The following CDH4 variants were observed in gnomAD, a reference collection of about 807,000 sequenced individuals.
CDH4 encodes the protein cadherin 4.
Under a neutral mutation model 86.0 loss-of-function variants are expected in CDH4, and 33 were observed. The ratio of observed to expected loss-of-function variants is 0.38; its 90% CI spans 0.29 to 0.51. The LOEUF (loss-of-function observed/expected upper bound fraction) is 0.51. Ranked by LOEUF, CDH4 falls within the 20% of genes least tolerant of loss-of-function variation. The probability of loss-of-function intolerance (pLI) is 0.86; values close to 1 mark genes in which losing one functional copy is unlikely to be tolerated. For synonymous variants in CDH4, 555 were observed against 549.4 expected, an observed-to-expected ratio of 1.01 and a Z score of -0.14; for missense variants, 1,114 against 1,307.4, an observed-to-expected ratio of 0.85 and a Z score of 2.28.
intron 2 of CDH4, among the ~76,000 whole-genome samples, chr20:61,402,331 A>T (rs2085053903): frequency 1.3e-5 from 2 of 152,180 alleles, no homozygotes; most frequent in African/African-American, 4.8e-5. Flanking sequence ...AATAGTTGTT[A>T]TACTGTATTG....
rs1031955341 is a variant in CDH4 at position 61,417,549 on chromosome 20, G to C, written c.169+162612G>C. 6.6e-6 allele frequency among the ~76,000 whole-genome samples: 1 copy of C among 152,156 alleles called. No individual in the cohort carries two copies. The highest frequency in any genetic ancestry group is 1.5e-5 in the Non-Finnish European group (1 of 68,052). On this transcript the variant is annotated intron_variant, in intron 2 of 15. Coordinates refer to ENST00000614565, the MANE Select transcript of CDH4 (RefSeq NM_001794.5). The surrounding 1 kb of genome is among the most constrained non-coding windows in gnomAD (Gnocchi z 4.0). ...CATCTCCCCTTCTGGGTTGATTACT[G>C]TCAACAACTGTCATCCCTCCCTGGC...
chr20:61,545,307 G>A (rs994644342), intron 2 of CDH4, among the ~76,000 whole-genome samples: 1 of 152,256 alleles, frequency 6.6e-6, no homozygotes, highest in Non-Finnish European at 1.5e-5. Flanking sequence ...TTTGGGAAGT[G>A]GCGGTAAATT....
Position 61,910,334 on chromosome 20 carries a change from CGTT to C in CDH4, c.1189-86_1189-84del, listed in dbSNP as rs145765240. 5,115 of 1,172,806 alleles carry C rather than the reference CGTT, an allele frequency of 4.4e-3. 174 individuals carry two copies. The African/African-American group carries it at 0.068, about 16-fold the overall frequency. 72.6% of individuals were successfully genotyped at this position (1,172,806 alleles called of 1,614,324 possible). ...ACGGTGTGTTCTGTTTGTGAACACT[CGTT>C]GAGCTGCACATATGCTACGTGCACT... is the stretch of plus-strand genomic sequence containing the variant. On this transcript the variant is annotated intron_variant, in intron 8 of 15. Transcript: ENST00000614565.
At chr20:61,702,340 G>A (rs566972138) in intron 2 of CDH4, among the ~76,000 whole-genome samples, 37 of 152,170 alleles carry the variant, frequency 2.4e-4, no homozygotes, top group Non-Finnish European at 5.3e-4. Flanking sequence ...GGATGGGACC[G>A]AACAAAGGTG....
Position 61,642,826 on chromosome 20 carries a change from C to G in CDH4, c.170-100737C>G, listed in dbSNP as rs2087025114. Among the ~76,000 whole-genome samples, 4 of 152,280 alleles carry G rather than the reference C, an allele frequency of 2.6e-5. No homozygotes were observed. In the South Asian group the frequency reaches 8.3e-4, roughly 32 times the overall value. ...CATTCCTCAGCTCGTAGCTCCTTCCCCCATCTCTGAAGCCAGAAAATGTAT... is the reference window on the plus strand; with the variant it reads ...CATTCCTCAGCTCGTAGCTCCTTCCGCCATCTCTGAAGCCAGAAAATGTAT... On this transcript the variant is annotated intron_variant, in intron 2 of 15. Transcript: ENST00000614565.
rs776758212 is a variant in CDH4 at position 61,773,044 on chromosome 20, G to A, written c.438G>A (p.Pro146=). 1.4e-5 allele frequency: 22 copies of A among 1,613,258 alleles called. No individual in the cohort carries two copies. Among genetic ancestry groups the A allele is most frequent in the Non-Finnish European group, 1.8e-5 (21 of 1,179,680 alleles). Reference sequence around the variant, plus strand: ...AGGTCGTGGCTCTGGACCCCTCTCCGCCTCCGAAGGACACCCTGCTGCCGT... The same window carrying A: ...AGGTCGTGGCTCTGGACCCCTCTCCACCTCCGAAGGACACCCTGCTGCCGT... ...GKKVVALDPS[P]PPKDTLLPWP... Residue 146 remains proline (P), a synonymous_variant, in exon 4 of 16, where the codon CCG becomes CCA. Coordinates refer to ENST00000614565, the MANE Select transcript of CDH4 (RefSeq NM_001794.5).
Position 61,829,960 on chromosome 20 carries a change from T to C in CDH4, c.577-14708T>C, listed in dbSNP as rs929543007. On this transcript the variant is annotated intron_variant, in intron 4 of 15. Transcript: ENST00000614565. The surrounding 1 kb of genome is among the most constrained non-coding windows in gnomAD (Gnocchi z 4.2). ...GGTGTGGGAAGTGCAGGTGGGTGGT[T>C]TGGTGTGTTTGGCAAGCCGACCCAA... is the stretch of plus-strand genomic sequence containing the variant. 1.2e-4 allele frequency among the ~76,000 whole-genome samples: 18 copies of C among 151,992 alleles called. No individual in the cohort carries two copies. Among genetic ancestry groups the C allele is most frequent in the African/African-American group, 4.1e-4 (17 of 41,386 alleles).
At chr20:61,396,474 C>T (rs1229880305) in intron 2 of CDH4, among the ~76,000 whole-genome samples, 1 of 152,216 alleles carries the variant, frequency 6.6e-6, no homozygotes, top group Non-Finnish European at 1.5e-5. Flanking sequence ...GCGTTCTGCG[C>T]ATAGACCACC....
At chr20:61,267,504 G>A (rs6101285) in intron 2 of CDH4, among the ~76,000 whole-genome samples, 1 of 152,144 alleles carries the variant, frequency 6.6e-6, no homozygotes, top group African/African-American at 2.4e-5. Flanking sequence ...AGGCAAATGA[G>A]GCACTTTAGT....
chr20:61,721,473 T>G (rs7271235), intron 2 of CDH4, among the ~76,000 whole-genome samples: 80,767 of 152,070 alleles, frequency 0.53, 22,109 homozygotes, highest in African/African-American at 0.67. Flanking sequence ...CATTTCTGGT[T>G]CATTGACCTT....
At chr20:61,855,374 C>T (rs967432304) in intron 6 of CDH4, among the ~76,000 whole-genome samples, 2 of 152,198 alleles carry the variant, frequency 1.3e-5, no homozygotes, top group Non-Finnish European at 2.9e-5. Context: ...GAACCATGGG[C>T]AGCTGGTCCT....
chr20:61,895,178 C>A, intron 8 of CDH4, 131 bp downstream of exon 8: 1 of 1,123,292 alleles, frequency 8.9e-7, no homozygotes, highest in Non-Finnish European at 1.3e-6. Flanking sequence ...TAAGAAAGGC[C>A]CTGGGCAGCG....
chr20:61,383,639 A>ATGCATGTAT (rs2084930616), intron 2 of CDH4, among the ~76,000 whole-genome samples: 4 of 39,020 alleles, frequency 1.0e-4, no homozygotes, highest in African/African-American at 3.7e-4. Flanking sequence ...ATCATATATG[A>ATGCATGTAT]ATATGTATGA....
chr20:61,612,463 G>A (rs1319843145), intron 2 of CDH4, among the ~76,000 whole-genome samples: 2 of 152,072 alleles, frequency 1.3e-5, no homozygotes, highest in African/African-American at 2.4e-5. Flanking sequence ...CTCCTTATCA[G>A]CAGCTGTGCC....
chr20:61,310,045 T>C (rs2084437171), intron 2 of CDH4, among the ~76,000 whole-genome samples: 1 of 152,150 alleles, frequency 6.6e-6, no homozygotes, highest in African/African-American at 2.4e-5. Context: ...ATGGGTGGCC[T>C]TGTAAAATTC....
chr20:61,772,460 T>C (rs2088785906), intron 3 of CDH4, among the ~76,000 whole-genome samples: 4 of 152,106 alleles, frequency 2.6e-5, no homozygotes, highest in African/African-American at 9.7e-5. Context: ...ATATTTGTTT[T>C]GCTGTGAATT....
At chr20:61,635,948 G>T (rs1403642176) in intron 2 of CDH4, among the ~76,000 whole-genome samples, 2 of 152,202 alleles carry the variant, frequency 1.3e-5, no homozygotes, top group African/African-American at 2.4e-5. Flanking sequence ...TCCAGGGAGG[G>T]GCAGAGAGCA....
At chr20:61,710,124 C>A (rs1004929073) in intron 2 of CDH4, among the ~76,000 whole-genome samples, 1 of 152,122 alleles carries the variant, frequency 6.6e-6, no homozygotes, top group Non-Finnish European at 1.5e-5. Context: ...CCCTGCCGGG[C>A]GGGTCTGCAT....
intron 5 of CDH4, 30 bp downstream of exon 5, chr20:61,844,853 G>A: frequency 6.3e-7 from 1 of 1,587,184 alleles, no homozygotes; most frequent in Non-Finnish European, 8.6e-7. Context: ...TGAGAATGGG[G>A]CCCTGGGGTG....
Sources: allele counts gnomAD v4.1 joint callset (sites outside exome capture counted in the v4.1 genomes callset), GRCh38; gene constraint gnomAD v4.1.1; non-coding constraint Gnocchi (gnomAD v3.1); transcripts MANE v1.5; gene names NCBI Gene and HGNC (gene_info 2026-07-23, HGNC 2026-07-21).